The following STPG2 variants were observed in gnomAD, a reference collection of about 807,000 sequenced individuals.
STPG2 encodes sperm tail PG-rich repeat containing 2.
A neutral mutation model predicts 54.2 loss-of-function variants in STPG2; 56 were observed. That is an observed-to-expected ratio of 1.03 (90% confidence interval 0.83 to 1.29). The LOEUF (loss-of-function observed/expected upper bound fraction) is 1.29. Among genes scored for constraint, STPG2 ranks in the 50% most tolerant of loss-of-function variants. The pLI, the probability that STPG2 is intolerant of heterozygous loss-of-function variation, is 0.00. For synonymous variants in STPG2, 200 were observed against 181.8 expected, an observed-to-expected ratio of 1.10 and a Z score of -0.81; for missense variants, 596 against 544.9, an observed-to-expected ratio of 1.09 and a Z score of -0.93.
intron 10 of STPG2, among the ~76,000 whole-genome samples, chr4:97,640,591 T>C (rs1177203800): frequency 6.6e-6 from 1 of 151,740 alleles, no homozygotes; most frequent in South Asian, 2.1e-4. Context: ...ATGTTAAAAC[T>C]AGTAGATTGA....
chr4:97,717,465 C>A (rs1324879633), intron 9 of STPG2, among the ~76,000 whole-genome samples: 1 of 152,120 alleles, frequency 6.6e-6, no homozygotes, highest in Non-Finnish European at 1.5e-5. Flanking sequence ...AACATGTGTT[C>A]CTAGCACTGA....
chr4:98,080,335 A>G (rs1278606548), intron 5 of STPG2, among the ~76,000 whole-genome samples: 1 of 152,080 alleles, frequency 6.6e-6, no homozygotes, highest in African/African-American at 2.4e-5. Flanking sequence ...CTCAAGCAAT[A>G]TACCTGCCTC....
chr4:97,865,302 C>T (rs1729726216), intron 8 of STPG2, among the ~76,000 whole-genome samples: 1 of 152,128 alleles, frequency 6.6e-6, no homozygotes, highest in Non-Finnish European at 1.5e-5. Flanking sequence ...AGACACTTCT[C>T]AAAAGAAGAC....
Position 98,143,041 on chromosome 4 carries a change from C to CCTGT in STPG2, c.106_109dup (p.Gly37AspfsTer3). 6.2e-7 allele frequency: 1 copy of CCTGT among 1,609,292 alleles called. No homozygotes were observed. Among genetic ancestry groups the CCTGT allele is most frequent in the Non-Finnish European group, 8.5e-7 (1 of 1,177,266 alleles). On this transcript the variant is annotated frameshift_variant and splice_region_variant. Transcript: ENST00000295268. LOFTEE classifies it high-confidence loss of function. Reference sequence around the variant, plus strand: ...GAGCTCTGCCTCTTCCTACATCTTACCTGTCGCCTGCTGCTTCAGGAAAGG... The same window carrying CCTGT: ...GAGCTCTGCCTCTTCCTACATCTTACCTGTCTGTCGCCTGCTGCTTCAGGAAAGG...
intron 9 of STPG2, among the ~76,000 whole-genome samples, chr4:97,769,381 AG>A (rs1726156963): frequency 6.6e-6 from 1 of 152,206 alleles, no homozygotes; most frequent in African/African-American, 2.4e-5. Context: ...GAGCAAGCCC[AG>A]TCAAGATCAG....
At chr4:97,551,422 G>GAGTACA (rs1731964011) in intron 4 of STPG2, among the ~76,000 whole-genome samples, 1 of 152,172 alleles carries the variant, frequency 6.6e-6, no homozygotes. Flanking sequence ...TTTTGAAACT[G>GAGTACA]AGTAATGTGT....
chr4:97,911,770 G>C (rs1191134769), intron 8 of STPG2, among the ~76,000 whole-genome samples: 5 of 152,178 alleles, frequency 3.3e-5, no homozygotes, highest in Non-Finnish European at 7.3e-5. Flanking sequence ...CCTGCCGGCT[G>C]TGGAGAGTCT....
chr4:97,453,343 C>T (rs905164583), intron 4 of STPG2, among the ~76,000 whole-genome samples: 3 of 152,216 alleles, frequency 2.0e-5, no homozygotes, highest in African/African-American at 7.2e-5. Context: ...GGACCCCACA[C>T]TTGCTCACAC....
chr4:97,633,136 GC>G (rs1280495357), intron 10 of STPG2, among the ~76,000 whole-genome samples: 2 of 152,010 alleles, frequency 1.3e-5, no homozygotes, highest in Non-Finnish European at 2.9e-5. Context: ...TAGTTTCTCT[GC>G]CATTTACATT....
chr4:97,648,438 T>C (rs1721975317), intron 10 of STPG2, among the ~76,000 whole-genome samples: 1 of 152,166 alleles, frequency 6.6e-6, no homozygotes, highest in Non-Finnish European at 1.5e-5. Flanking sequence ...AAGAAATCTT[T>C]TCCTGTCTTA....
rs368091630 is a variant in STPG2 at position 97,635,342 on chromosome 4, G to A, written c.1321-76225C>T. ...CCCTAAAAGAGCTCCTGAAGGAAGCGCTAAACATGGAAAGGAACAACTGGT... is the reference window on the plus strand; with the variant it reads ...CCCTAAAAGAGCTCCTGAAGGAAGCACTAAACATGGAAAGGAACAACTGGT... On this transcript the variant is annotated intron_variant, in intron 10 of 10. Coordinates refer to ENST00000295268, the MANE Select transcript of STPG2 (RefSeq NM_174952.3). Among the ~76,000 whole-genome samples, 409 of 152,258 alleles carry A rather than the reference G, an allele frequency of 2.7e-3. 2 individuals are homozygous for A. The highest frequency in any genetic ancestry group is 9.0e-3 in the African/African-American group (376 of 41,558).
intron 4 of STPG2, among the ~76,000 whole-genome samples, chr4:97,496,109 A>G (rs993535317): frequency 6.6e-6 from 1 of 151,770 alleles, no homozygotes; most frequent in Non-Finnish European, 1.5e-5. Context: ...AAGGCAAAAT[A>G]TTTAGTAATA....
chr4:98,050,763 T>C (rs1737293228), intron 5 of STPG2, among the ~76,000 whole-genome samples: 2 of 151,992 alleles, frequency 1.3e-5, no homozygotes, highest in East Asian at 1.9e-4. Context: ...CCCAGCACTT[T>C]GGGAGGTTGA....
At chr4:97,765,059 T>C (rs1382936954) in intron 9 of STPG2, among the ~76,000 whole-genome samples, 2 of 152,148 alleles carry the variant, frequency 1.3e-5, no homozygotes, top group Non-Finnish European at 2.9e-5. Flanking sequence ...GCATGGAGGA[T>C]GTAGCTAACA....
intron 4 of STPG2, among the ~76,000 whole-genome samples, chr4:97,509,129 G>C: frequency 6.6e-6 from 1 of 152,028 alleles, no homozygotes; most frequent in East Asian, 1.9e-4. Flanking sequence ...ATATTTCTAT[G>C]GGCTTATGTC....
chr4:97,651,545 G>A (rs908911569), intron 10 of STPG2, among the ~76,000 whole-genome samples: 1 of 152,012 alleles, frequency 6.6e-6, no homozygotes, highest in African/African-American at 2.4e-5. Flanking sequence ...TGATGCAGAT[G>A]TTTGAAAATA....
At chr4:97,719,966 CAGTATTAAGCTAGGAAAA>C (rs1724399423) in intron 9 of STPG2, among the ~76,000 whole-genome samples, 2 of 151,812 alleles carry the variant, frequency 1.3e-5, no homozygotes, top group African/African-American at 4.8e-5. Context: ...ATGAGGCTGG[CAGTATTAAGCTAGGAAAA>C]AGACTTTCTT....
chr4:98,104,434 T>C (rs1739132236), intron 5 of STPG2, among the ~76,000 whole-genome samples: 1 of 152,178 alleles, frequency 6.6e-6, no homozygotes. Context: ...CTTTTTACTA[T>C]GTATAAGGTA....
intron 9 of STPG2, among the ~76,000 whole-genome samples, chr4:97,830,995 C>A (rs1324494560): frequency 2.0e-5 from 3 of 152,108 alleles, no homozygotes; most frequent in African/African-American, 7.2e-5. Flanking sequence ...ATATTCAGGA[C>A]TTGAATTCAG....
Sources: allele counts gnomAD v4.1 joint callset (sites outside exome capture counted in the v4.1 genomes callset), GRCh38; gene constraint gnomAD v4.1.1; transcripts MANE v1.5; gene names NCBI Gene and HGNC (gene_info 2026-07-23, HGNC 2026-07-21).